Variants in CNTNAP2 observed in about 807,000 individuals in gnomAD.
The protein encoded by CNTNAP2 is contactin-associated protein-like 2.
CNTNAP2 carries 98 observed loss-of-function variants against 155.2 expected under a neutral mutation model. The observed-to-expected ratio is 0.63, with a 90% CI of 0.54 to 0.75. The LOEUF is 0.75. CNTNAP2 is among the 30% of genes least tolerant of loss of function. The pLI is 0.00. For synonymous variants in CNTNAP2, 651 were observed against 631.2 expected (o/e 1.03, Z -0.47); for missense variants, 1,727 against 1,688.1 (o/e 1.02, Z -0.40).
intron 11 of CNTNAP2, among the ~76,000 whole-genome samples, chr7:147,553,569 G>GC (rs1799893714): frequency 6.6e-6 from 1 of 152,002 alleles, no homozygotes; most frequent in Admixed American, 6.6e-5. Context: ...TAACATGCCT[G>GC]CCCCATGTAT....
chr7:147,498,657 A>G (rs1176787145), intron 11 of CNTNAP2, among the ~76,000 whole-genome samples: 11 of 152,232 alleles, frequency 7.2e-5, no homozygotes, highest in African/African-American at 2.7e-4. Context: ...CTTCCTTTAT[A>G]CATATAGATG....
intron 1 of CNTNAP2, among the ~76,000 whole-genome samples, chr7:146,762,617 C>CA (rs1019877546): frequency 6.6e-6 from 1 of 151,818 alleles, no homozygotes; most frequent in Non-Finnish European, 1.5e-5. Context: ...AAAAAACAAA[C>CA]AAAAAAAGAA....
At chr7:147,800,801 G>A (rs1315310576) in intron 13 of CNTNAP2, among the ~76,000 whole-genome samples, 1 of 152,142 alleles carries the variant, frequency 6.6e-6, no homozygotes, top group African/African-American at 2.4e-5. Context: ...ATATTATAAT[G>A]CCATATTACT....
intron 13 of CNTNAP2, among the ~76,000 whole-genome samples, chr7:147,759,644 C>T (rs372353003): frequency 4.6e-5 from 7 of 152,270 alleles, no homozygotes; most frequent in African/African-American, 9.6e-5. Context: ...AAAATGTCTG[C>T]GATCACTAGT....
chr7:147,719,992 A>G (rs1387679697), intron 13 of CNTNAP2, among the ~76,000 whole-genome samples: 1 of 152,050 alleles, frequency 6.6e-6, no homozygotes, highest in Non-Finnish European at 1.5e-5. Flanking sequence ...ATTTTAATTA[A>G]GACAGGCACT....
At chr7:147,627,933 G>GA (rs144354051) in intron 12 of CNTNAP2, among the ~76,000 whole-genome samples, 12,453 of 145,600 alleles carry the variant, frequency 0.086, 578 homozygotes, top group African/African-American at 0.12. Flanking sequence ...ACAAAGACAA[G>GA]AAAAAAAAAA....
chr7:147,140,369 A>G (rs1801568017), intron 8 of CNTNAP2, among the ~76,000 whole-genome samples: 1 of 151,620 alleles, frequency 6.6e-6, no homozygotes, highest in Non-Finnish European at 1.5e-5. Flanking sequence ...AGTACTGCTC[A>G]CCTCCAATTT....
intron 3 of CNTNAP2, among the ~76,000 whole-genome samples, chr7:146,850,649 T>G (rs114169164): frequency 6.6e-6 from 1 of 152,130 alleles, no homozygotes; most frequent in Non-Finnish European, 1.5e-5. Context: ...GACTGGGTAA[T>G]GGATGTGTTA....
chr7:147,934,483 A>C (rs1800569194), intron 14 of CNTNAP2, among the ~76,000 whole-genome samples: 1 of 152,198 alleles, frequency 6.6e-6, no homozygotes. Flanking sequence ...CCCATGATTG[A>C]ATTACTGCCC....
At chr7:147,593,550 A>G (rs900259722) in intron 12 of CNTNAP2, among the ~76,000 whole-genome samples, 13 of 152,008 alleles carry the variant, frequency 8.6e-5, no homozygotes, top group Non-Finnish European at 1.3e-4. Flanking sequence ...TTAGGCCTTT[A>G]AAAACCTCCA....
At chr7:146,455,589 C>A (rs572985155) in intron 1 of CNTNAP2, among the ~76,000 whole-genome samples, 32 of 152,232 alleles carry the variant, frequency 2.1e-4, no homozygotes, top group Non-Finnish European at 3.5e-4. Flanking sequence ...GACCTTCTCT[C>A]ATTCTATACA....
chr7:146,277,390 G>A (rs1800181504), intron 1 of CNTNAP2, among the ~76,000 whole-genome samples: 1 of 152,176 alleles, frequency 6.6e-6, no homozygotes. Flanking sequence ...TGCAACCACT[G>A]ATGTTACATT....
intron 1 of CNTNAP2, among the ~76,000 whole-genome samples, chr7:146,238,748 A>G (rs2462828): frequency 0.065 from 9,871 of 152,200 alleles, 1,012 homozygotes; most frequent in African/African-American, 0.22. Flanking sequence ...CTCACAGTTG[A>G]GCATGGCTGG....
At chr7:148,335,313 AAC>A (rs1798099153) in intron 21 of CNTNAP2, among the ~76,000 whole-genome samples, 1 of 152,198 alleles carries the variant, frequency 6.6e-6, no homozygotes, top group Non-Finnish European at 1.5e-5. Context: ...CTTTGAAAAG[AAC>A]ACACAGCCTC....
chr7:146,971,927 A>C (rs1443321149), intron 3 of CNTNAP2, among the ~76,000 whole-genome samples: 1 of 152,192 alleles, frequency 6.6e-6, no homozygotes, highest in South Asian at 2.1e-4. Context: ...AATTTATATC[A>C]CGCATCTACT....
chr7:147,037,405 C>T (rs967374587), intron 3 of CNTNAP2, among the ~76,000 whole-genome samples: 11 of 150,020 alleles, frequency 7.3e-5, no homozygotes, highest in Non-Finnish European at 1.3e-4. Flanking sequence ...TACTTTGTCC[C>T]AAGTTTGTCT....
At chr7:146,855,191 T>C (rs950644852) in intron 3 of CNTNAP2, among the ~76,000 whole-genome samples, 1 of 152,160 alleles carries the variant, frequency 6.6e-6, no homozygotes, top group East Asian at 1.9e-4. Flanking sequence ...TACACTCTTT[T>C]GGGAAGAATC....
chr7:148,008,145 C>T (rs768331907), intron 15 of CNTNAP2, among the ~76,000 whole-genome samples: 1 of 151,270 alleles, frequency 6.6e-6, no homozygotes, highest in Non-Finnish European at 1.5e-5. Context: ...GGGTAGATCA[C>T]GAGGTCAGGA....
chr7:147,193,281 T>C (rs1324082197), intron 8 of CNTNAP2, among the ~76,000 whole-genome samples: 1 of 152,222 alleles, frequency 6.6e-6, no homozygotes, highest in East Asian at 1.9e-4. Flanking sequence ...CAAGTTAATG[T>C]AGCTAAAAGT....
Sources: gnomAD v4.1 joint callset for allele counts (sites outside exome capture counted in the v4.1 genomes callset) on GRCh38, gnomAD v4.1.1 for gene constraint, MANE v1.5 for transcripts, NCBI Gene and HGNC (gene_info 2026-07-23, HGNC 2026-07-21) for gene names.